Variants in ANTXR1 observed in about 807,000 individuals in gnomAD.
The protein encoded by ANTXR1 is ANTXR cell adhesion molecule 1.
A neutral mutation model predicts 78.1 loss-of-function variants in ANTXR1; 19 were observed. The observed-to-expected ratio is 0.24, with a 90% CI of 0.17 to 0.36. ANTXR1 has a LOEUF of 0.36. Among genes scored for constraint, ANTXR1 ranks in the 10% least tolerant of loss-of-function variants. The pLI is 1.00. For missense variants in ANTXR1, 518 were observed against 718.6 expected (o/e 0.72, Z 3.19); for synonymous variants, 273 against 260.5 (o/e 1.05, Z -0.46).
At chr2:69,094,192 G>A (rs1316714327) in intron 9 of ANTXR1, among the ~76,000 whole-genome samples, 1 of 152,188 alleles carries the variant, frequency 6.6e-6, no homozygotes, top group African/African-American at 2.4e-5. Flanking sequence ...CTAGTTCAAA[G>A]ATATAAGTAT....
chr2:69,171,844 C>CA (rs1673994549), intron 14 of ANTXR1, among the ~76,000 whole-genome samples: 1 of 152,284 alleles, frequency 6.6e-6, no homozygotes, highest in Non-Finnish European at 1.5e-5. Context: ...TAGCTAAAAG[C>CA]AAGGAAGAGA....
intron 10 of ANTXR1, among the ~76,000 whole-genome samples, chr2:69,122,664 A>G (rs945949841): frequency 5.9e-5 from 9 of 152,136 alleles, no homozygotes; most frequent in African/African-American, 2.2e-4. Context: ...TTACATATGT[A>G]TACATGTGCC....
At chr2:69,015,017 C>T (rs1670978089) in intron 1 of ANTXR1, among the ~76,000 whole-genome samples, 1 of 151,248 alleles carries the variant, frequency 6.6e-6, no homozygotes, top group Non-Finnish European at 1.5e-5. Context: ...GTCGGAGGTG[C>T]TCCTCCTCCG....
At chr2:69,163,017 C>T (rs1212473736) in intron 13 of ANTXR1, among the ~76,000 whole-genome samples, 1 of 152,032 alleles carries the variant, frequency 6.6e-6, no homozygotes, top group African/African-American at 2.4e-5. Flanking sequence ...ATAATAAACT[C>T]AATAAAAATG....
intron 8 of ANTXR1, among the ~76,000 whole-genome samples, chr2:69,078,156 G>A (rs564344651): frequency 6.6e-6 from 1 of 152,232 alleles, no homozygotes; most frequent in Non-Finnish European, 1.5e-5. Flanking sequence ...TGGCTTCCAG[G>A]GCCTCTATTC....
intron 14 of ANTXR1, among the ~76,000 whole-genome samples, chr2:69,173,764 T>C (rs1042878907): frequency 1.3e-5 from 2 of 152,148 alleles, no homozygotes; most frequent in African/African-American, 4.8e-5. Context: ...CATGACTGAA[T>C]GGAAAGTGGG....
intron 11 of ANTXR1, 62 bp from the exon 12 acceptor site, chr2:69,124,503 C>A: frequency 6.9e-7 from 1 of 1,448,028 alleles, no homozygotes; most frequent in Non-Finnish European, 9.7e-7. Context: ...GTGTGTCTGG[C>A]TCTCAGCCTG....
intron 8 of ANTXR1, among the ~76,000 whole-genome samples, chr2:69,078,001 AT>A (rs1670792281): frequency 6.6e-6 from 1 of 152,182 alleles, no homozygotes; most frequent in Non-Finnish European, 1.5e-5. Flanking sequence ...TCCCCAGGTG[AT>A]TTTAATGTTG....
At chr2:69,046,851 A>G (rs146777777) in intron 3 of ANTXR1, among the ~76,000 whole-genome samples, 38 of 152,336 alleles carry the variant, frequency 2.5e-4, no homozygotes, top group Non-Finnish European at 5.3e-4. Context: ...AGGGTCCATT[A>G]AGATACCTGT....
chr2:69,168,425 G>A (rs887712567), intron 13 of ANTXR1, among the ~76,000 whole-genome samples: 1 of 152,190 alleles, frequency 6.6e-6, no homozygotes, highest in African/African-American at 2.4e-5. Flanking sequence ...GAGAAGGCAG[G>A]TCTGGAATTC....
intron 17 of ANTXR1, among the ~76,000 whole-genome samples, chr2:69,216,624 G>C (rs1162620357): frequency 6.6e-6 from 1 of 152,148 alleles, no homozygotes. Context: ...CCATGTCCCA[G>C]AGACTGGGCT....
At chr2:69,073,233 A>G in intron 6 of ANTXR1, 132 bp downstream of exon 6, 1 of 758,540 alleles carries the variant, frequency 1.3e-6, no homozygotes, top group Non-Finnish European at 2.3e-6. Context: ...GAGTTTCATA[A>G]GTAGAAATAA....
intron 1 of ANTXR1, among the ~76,000 whole-genome samples, chr2:69,021,595 A>G (rs537854369): frequency 7.0e-4 from 107 of 152,324 alleles, no homozygotes; most frequent in African/African-American, 2.5e-3. Context: ...TGCTCCAGCC[A>G]GAAGTGACGT....
intron 17 of ANTXR1, among the ~76,000 whole-genome samples, chr2:69,213,820 G>A (rs1341912634): frequency 1.3e-5 from 2 of 152,246 alleles, no homozygotes; most frequent in Non-Finnish European, 2.9e-5. Context: ...GGGCCTGGAC[G>A]CCAGGAGGCC....
chr2:69,243,642 G>A (rs1223038201), intron 17 of ANTXR1, among the ~76,000 whole-genome samples: 1 of 152,134 alleles, frequency 6.6e-6, no homozygotes, highest in Non-Finnish European at 1.5e-5. Flanking sequence ...GCTAATTTAA[G>A]CAGCAATTGT....
At chr2:69,123,738 C>T (rs1672431530) in intron 11 of ANTXR1, among the ~76,000 whole-genome samples, 1 of 152,130 alleles carries the variant, frequency 6.6e-6, no homozygotes, top group African/African-American at 2.4e-5. Flanking sequence ...AAACCATCAA[C>T]AGAAGAAAGA....
chr2:69,142,217 C>G (rs1346346717), intron 12 of ANTXR1, among the ~76,000 whole-genome samples: 1 of 152,170 alleles, frequency 6.6e-6, no homozygotes, highest in Non-Finnish European at 1.5e-5. Context: ...GGGAATTGAG[C>G]AGCCACAGGA....
At chr2:69,194,924 C>T (rs1674633839) in intron 17 of ANTXR1, among the ~76,000 whole-genome samples, 1 of 152,112 alleles carries the variant, frequency 6.6e-6, no homozygotes, top group South Asian at 2.1e-4. Flanking sequence ...AATCCCAGCA[C>T]TTTGGGAGGC....
intron 16 of ANTXR1, among the ~76,000 whole-genome samples, chr2:69,188,033 GCAAAA>G (rs1674462697): frequency 2.2e-5 from 1 of 44,458 alleles, no homozygotes; most frequent in Admixed American, 2.7e-4. Flanking sequence ...CTGCTGCCTG[GCAAAA>G]AAAAAAAAAA....
Sources: gnomAD v4.1 joint callset for allele counts (sites outside exome capture counted in the v4.1 genomes callset) on GRCh38, gnomAD v4.1.1 for gene constraint, MANE v1.5 for transcripts, NCBI Gene and HGNC (gene_info 2026-07-23, HGNC 2026-07-21) for gene names.